NCOA6: variants seen among roughly 807,000 people sequenced by gnomAD.
NCOA6 encodes nuclear receptor coactivator 6.
NCOA6 carries 49 observed loss-of-function variants against 171.4 expected under a neutral mutation model. The observed-to-expected ratio is 0.29, with a 90% CI of 0.23 to 0.36. The LOEUF is 0.36. Among genes scored for constraint, NCOA6 ranks in the 10% least tolerant of loss-of-function variants. The probability of loss-of-function intolerance (pLI) is 1.00; values close to 1 mark genes in which losing one functional copy is unlikely to be tolerated. For synonymous variants in NCOA6, 910 were observed against 927.5 expected, an observed-to-expected ratio of 0.98 and a Z score of 0.34; for missense variants, 2,248 against 2,554.5, an observed-to-expected ratio of 0.88 and a Z score of 2.59.
chr20:34,766,781 G>A (rs1368522469), intron 5 of NCOA6, among the ~76,000 whole-genome samples: 1 of 152,156 alleles, frequency 6.6e-6, no homozygotes, highest in Non-Finnish European at 1.5e-5. Context: ...TTGGCCAGGA[G>A]TTGAGATTAG....
intron 13 of NCOA6, among the ~76,000 whole-genome samples, chr20:34,730,111 A>T (rs1481946459): frequency 6.6e-6 from 1 of 151,924 alleles, no homozygotes; most frequent in African/African-American, 2.4e-5. Flanking sequence ...TCTGTCCCCC[A>T]GGCTGGGGTG....
At position 34,743,107 on chromosome 20, in the gene NCOA6, A is replaced by G; in HGVS notation, c.3149T>C (p.Val1050Ala). The stretch of plus-strand genomic sequence containing the variant: ...CCTTGGAGGATGGACATTTTGAGAG[A>G]CTGGAAGCCTAACTGATTTGGGATC... ...QQDPKSVRLPVSQNVHPPRGP... is the reference protein window; with the variant it reads ...QQDPKSVRLPASQNVHPPRGP... The change falls in exon 11 of 15, where the codon GTC becomes GCC. Residue 1050 changes from valine (V) to alanine (A), a missense_variant. This residue lies in a region of NCOA6 where 352 missense variants were observed against 419.1 expected (regional missense o/e 0.84). Coordinates refer to ENST00000359003, the MANE Select transcript of NCOA6 (RefSeq NM_014071.5). 1 of 1,613,300 alleles carries G rather than the reference A, an allele frequency of 6.2e-7. No homozygotes were observed. The highest frequency in any genetic ancestry group is 8.5e-7 in the Non-Finnish European group (1 of 1,179,428).
At chr20:34,728,050 G>T (rs1053930457) in intron 13 of NCOA6, among the ~76,000 whole-genome samples, 1 of 152,122 alleles carries the variant, frequency 6.6e-6, no homozygotes, top group Non-Finnish European at 1.5e-5. Context: ...TAAGGTAATA[G>T]TTCCCTTCAA....
intron 1 of NCOA6, among the ~76,000 whole-genome samples, chr20:34,803,381 T>G (rs2078321398): frequency 6.7e-6 from 1 of 149,472 alleles, no homozygotes; most frequent in African/African-American, 2.5e-5. Context: ...GGCAGGAGAA[T>G]CACATGAACT....
chr20:34,790,347 T>TA (rs2077831598), intron 2 of NCOA6, among the ~76,000 whole-genome samples: 1 of 152,062 alleles, frequency 6.6e-6, no homozygotes, highest in African/African-American at 2.4e-5. Context: ...TTTATTTTAT[T>TA]ATTTATTTAT....
chr20:34,790,556 C>T (rs572709120), intron 2 of NCOA6, among the ~76,000 whole-genome samples: 4 of 151,982 alleles, frequency 2.6e-5, no homozygotes, highest in Non-Finnish European at 5.9e-5. Context: ...AGGGTTTCAC[C>T]GTGTTAGCCA....
chr20:34,792,021 C>T (rs2077902568), intron 2 of NCOA6, among the ~76,000 whole-genome samples: 1 of 152,106 alleles, frequency 6.6e-6, no homozygotes, highest in East Asian at 1.9e-4. Context: ...AAGATAAAAA[C>T]AGTCTAATTT....
At chr20:34,814,967 G>A (rs906923221) in intron 1 of NCOA6, among the ~76,000 whole-genome samples, 3 of 152,124 alleles carry the variant, frequency 2.0e-5, no homozygotes, top group African/African-American at 7.2e-5. Context: ...ATAAAATCAG[G>A]AAGAACTGCC....
At chr20:34,721,698 G>A (rs1041513040) in intron 14 of NCOA6, among the ~76,000 whole-genome samples, 13 of 152,072 alleles carry the variant, frequency 8.5e-5, no homozygotes, top group Admixed American at 7.2e-4. Flanking sequence ...CCTGCTGTGC[G>A]GCCCAGTTCC....
At chr20:34,755,012 G>T in intron 7 of NCOA6, 144 bp from the exon 8 acceptor site, 2 of 758,520 alleles carry the variant, frequency 2.6e-6, no homozygotes, top group Non-Finnish European at 4.1e-6. Flanking sequence ...TTAATAATAA[G>T]GTTGGGAAAG....
At chr20:34,805,195 C>T (rs1030705295) in intron 1 of NCOA6, among the ~76,000 whole-genome samples, 8 of 151,978 alleles carry the variant, frequency 5.3e-5, no homozygotes, top group African/African-American at 1.4e-4. Flanking sequence ...CGCACTACCA[C>T]GCCCAGCTAA....
intron 1 of NCOA6, among the ~76,000 whole-genome samples, chr20:34,802,194 C>T (rs749978229): frequency 6.6e-6 from 1 of 152,190 alleles, no homozygotes; most frequent in Non-Finnish European, 1.5e-5. Flanking sequence ...AGGCTGGGTG[C>T]GGTGGCTCAC....
chr20:34,805,169 G>A (rs928242774), intron 1 of NCOA6, among the ~76,000 whole-genome samples: 1 of 151,738 alleles, frequency 6.6e-6, no homozygotes, highest in Admixed American at 6.6e-5. Context: ...CTCCCTAGCA[G>A]CTGGATTTTC....
At chr20:34,770,848 T>C (rs1401993823) in intron 4 of NCOA6, among the ~76,000 whole-genome samples, 1 of 152,128 alleles carries the variant, frequency 6.6e-6, no homozygotes. Context: ...CAGACTGGTC[T>C]CGAATTCCTG....
At chr20:34,802,101 G>A (rs548174425) in intron 1 of NCOA6, among the ~76,000 whole-genome samples, 20 of 152,148 alleles carry the variant, frequency 1.3e-4, no homozygotes, top group Non-Finnish European at 2.8e-4. Flanking sequence ...AAAGATGATA[G>A]ACACAGTGAT....
chr20:34,750,365 T>G lies in NCOA6; in HGVS notation c.1830A>C (p.Gln610His). 1 of 1,614,136 alleles carries G rather than the reference T, an allele frequency of 6.2e-7. No individual in the cohort carries two copies. The highest frequency in any genetic ancestry group is 8.5e-7 in the Non-Finnish European group (1 of 1,180,016). Residue 610 changes from glutamine (Q) to histidine (H), a missense_variant, in exon 9 of 15, where the codon CAA becomes CAC. Gln to His is a conservative substitution (Grantham distance 24). Coordinates refer to ENST00000359003, the MANE Select transcript of NCOA6 (RefSeq NM_014071.5). The stretch of plus-strand genomic sequence containing the variant: ...ATGGTGGGCCCTGCTGGGGCTGGCC[T>G]TGCATGTTGCTGAGGTTCACTTGAG... The part of the protein sequence containing the change: ...GVPQVNLSNM[Q>H]GQPQQGPPSQ...
intron 2 of NCOA6, among the ~76,000 whole-genome samples, chr20:34,792,113 T>C (rs2077905362): frequency 6.6e-6 from 1 of 152,176 alleles, no homozygotes; most frequent in African/African-American, 2.4e-5. Flanking sequence ...AACATATATT[T>C]CTATTTTTAA....
At chr20:34,770,003 G>A (rs1187946392) in intron 4 of NCOA6, among the ~76,000 whole-genome samples, 1 of 151,838 alleles carries the variant, frequency 6.6e-6, no homozygotes, top group Non-Finnish European at 1.5e-5. Flanking sequence ...AATGAGGTAT[G>A]GCAGTTTCCT....
At position 34,742,919 on chromosome 20, in the gene NCOA6, C is replaced by T. The variant is rs557371075; in HGVS notation, c.3337G>A (p.Val1113Ile). 8.7e-6 allele frequency: 14 copies of T among 1,614,182 alleles called. No individual in the cohort carries two copies. Among genetic ancestry groups the T allele is most frequent in the Middle Eastern group, 1.6e-4 (1 of 6,062 alleles). The change falls in exon 11 of 15, where the codon GTC (valine) becomes ATC (isoleucine). Residue 1113 changes from valine (V) to isoleucine (I), a missense_variant. Coordinates refer to ENST00000359003, the MANE Select transcript of NCOA6 (RefSeq NM_014071.5). Reference protein sequence around the residue: ...TPLGSNSRKMVYQESPQNPSS... With the variant: ...TPLGSNSRKMIYQESPQNPSS... ...GGATTCTGCGGGCTCTCCTGATAGACCATTTTCCTTGAATTGCTTCCCAAG... is the reference window on the plus strand; with the variant it reads ...GGATTCTGCGGGCTCTCCTGATAGATCATTTTCCTTGAATTGCTTCCCAAG...
Sources: allele counts gnomAD v4.1 joint callset (sites outside exome capture counted in the v4.1 genomes callset), GRCh38; gene constraint gnomAD v4.1.1; regional missense constraint gnomAD v4.1.1; transcripts MANE v1.5; gene names NCBI Gene and HGNC (gene_info 2026-07-23, HGNC 2026-07-21).